The following SERBP1 variants were observed in gnomAD, a reference collection of about 807,000 sequenced individuals.
SERBP1 encodes SERPINE1 mRNA-binding protein 1.
Under a neutral mutation model 50.2 loss-of-function variants are expected in SERBP1, and 6 were observed. That is an observed-to-expected ratio of 0.12 (90% confidence interval 0.07 to 0.24). SERBP1 has a LOEUF of 0.24. Among genes scored for constraint, SERBP1 ranks in the 10% least tolerant of loss-of-function variants. The pLI is 1.00. For synonymous variants in SERBP1, 168 were observed against 182.8 expected (o/e 0.92, Z 0.65); for missense variants, 346 against 524.9 (o/e 0.66, Z 3.33).
intron 1 of SERBP1, among the ~76,000 whole-genome samples, chr1:67,426,967 C>T (rs1667406236): frequency 6.6e-6 from 1 of 152,088 alleles, no homozygotes; most frequent in African/African-American, 2.4e-5. Flanking sequence ...TACAGGCACA[C>T]AAAAAGGGCC....
intron 2 of SERBP1, 97 bp from the exon 3 acceptor site, chr1:67,425,320 T>G (rs1292202391): frequency 1.1e-5 from 13 of 1,163,770 alleles, no homozygotes; most frequent in Non-Finnish European, 1.4e-5. Flanking sequence ...GTTTACTGGC[T>G]CAAAAACCAA....
At chr1:67,418,696 T>C (rs542929587) in intron 6 of SERBP1, among the ~76,000 whole-genome samples, 1 of 151,884 alleles carries the variant, frequency 6.6e-6, no homozygotes, top group Non-Finnish European at 1.5e-5. Context: ...GAGGTGGAGG[T>C]TGCGGTAAGC....
In SERBP1 at chr1:67,430,001, C is replaced by A. The variant is rs774454009; in HGVS notation, c.300G>T (p.Ala100=). The part of the protein sequence containing the change: ...DKKEETQPPV[A]LKKEGIRRVG... ...CCCCTGCTTTACCTTCTTTCTTAAG[C>A]GCCACGGGCGGCTGCGTCTCCTCTT... The change falls in exon 1 of 8, where the codon GCG becomes GCT. Residue 100 remains alanine, a synonymous_variant. Coordinates refer to ENST00000361219, the MANE Select transcript of SERBP1 (RefSeq NM_001018069.2). 1 of 1,608,848 alleles carries A rather than the reference C, an allele frequency of 6.2e-7. No individual in the cohort carries two copies. The highest frequency in any genetic ancestry group is 1.3e-5 in the African/African-American group (1 of 74,730).
At chr1:67,415,113 G>T in intron 7 of SERBP1, 53 bp downstream of exon 7, 1 of 1,493,558 alleles carries the variant, frequency 6.7e-7, no homozygotes, top group South Asian at 1.4e-5. Context: ...CCCAGCCAGT[G>T]ACTTATAAGA....
rs1666785888 is a variant in SERBP1 at position 67,410,333 on chromosome 1, T to C, written c.*2874A>G. The C allele has an allele frequency of 6.6e-6, 1 of 152,142 alleles. No homozygotes were observed. Among genetic ancestry groups the C allele is most frequent in the African/African-American group, 2.4e-5 (1 of 41,436 alleles). The allele number at this position is 152,142 out of a possible 1,614,324, so 9.4% of individuals were successfully genotyped here. On this transcript the variant is annotated 3_prime_UTR_variant, in exon 8 of 8. Coordinates refer to ENST00000361219, the MANE Select transcript of SERBP1 (RefSeq NM_001018069.2). ...TCCCTGTTCTATTTCAGTGCAACCA[T>C]CTCTGGCAACTAGAAAAATAACAAA...
intron 6 of SERBP1, among the ~76,000 whole-genome samples, chr1:67,417,650 C>A (rs1667059838): frequency 6.6e-6 from 1 of 151,738 alleles, no homozygotes; most frequent in Non-Finnish European, 1.5e-5. Flanking sequence ...GTAACTGAGA[C>A]CACAGGTGCA....
chr1:67,429,445 A>C (rs1174155276), intron 1 of SERBP1: 1 of 152,436 alleles, frequency 6.6e-6, no homozygotes, highest in Non-Finnish European at 1.5e-5. Flanking sequence ...CCTGCAGCTT[A>C]CTCCACACGT....
At chr1:67,428,962 C>A (rs1189707170) in intron 1 of SERBP1, among the ~76,000 whole-genome samples, 1 of 152,142 alleles carries the variant, frequency 6.6e-6, no homozygotes, top group Non-Finnish European at 1.5e-5. Context: ...CATGCACGTT[C>A]TTATCTCCAA....
chr1:67,422,490 A>G (rs757533721), intron 5 of SERBP1, among the ~76,000 whole-genome samples: 1 of 151,982 alleles, frequency 6.6e-6, no homozygotes, highest in Non-Finnish European at 1.5e-5. Context: ...AGCACAGGCA[A>G]CAAGAGCAAA....
intron 3 of SERBP1, 33 bp from the exon 4 acceptor site, chr1:67,425,010 G>A (rs367710195): frequency 3.7e-6 from 6 of 1,603,354 alleles, no homozygotes; most frequent in Admixed American, 1.7e-5. Flanking sequence ...ATACTCTTTA[G>A]TTCTAGAAAT....
Position 67,415,205 on chromosome 1 carries a change from C to T in SERBP1, c.1086G>A (p.Gly362=), listed in dbSNP as rs753679857. The T allele has an allele frequency of 1.7e-5, 27 of 1,609,734 alleles. No individual in the cohort carries two copies. In the East Asian group the frequency reaches 5.4e-4, roughly 32 times the overall value. The change falls in exon 7 of 8, where the codon GGG becomes GGA. Residue 362 remains glycine, a synonymous_variant. Transcript: ENST00000361219. The part of the protein sequence containing the change: ...RGGRGGRGGR[G]RGGRPNRGSR... Reference sequence around the variant, plus strand: ...TGCCACGGTTTGGGCGCCCACCACGCCCACGTCCACCTCGTCCTCCCCTGC... The same window carrying T: ...TGCCACGGTTTGGGCGCCCACCACGTCCACGTCCACCTCGTCCTCCCCTGC...
intron 6 of SERBP1, among the ~76,000 whole-genome samples, chr1:67,416,444 GTCT>G (rs1667014776): frequency 6.6e-6 from 1 of 152,234 alleles, no homozygotes; most frequent in South Asian, 2.1e-4. Flanking sequence ...CATGCCTGAT[GTCT>G]TCTTGTACGC....
chr1:67,421,264 CAT>C (rs974757897), intron 5 of SERBP1, among the ~76,000 whole-genome samples: 10 of 152,132 alleles, frequency 6.6e-5, no homozygotes, highest in Non-Finnish European at 1.0e-4. Flanking sequence ...CCTGCTTACC[CAT>C]ATGTTATGAC....
chr1:67,422,589 G>C (rs1570296127), intron 5 of SERBP1, among the ~76,000 whole-genome samples: 1 of 151,680 alleles, frequency 6.6e-6, no homozygotes, highest in African/African-American at 2.4e-5. Context: ...TATGCTTCTG[G>C]TTAGGAATCA....
Position 67,408,817 on chromosome 1 carries a change from T to TAAAAAATAATA in SERBP1, c.*4379_*4389dup, listed in dbSNP as rs1459063399. On this transcript the variant is annotated 3_prime_UTR_variant, in exon 8 of 8. Transcript: ENST00000361219. ...TATTTTATGTTGCAGGCTACCTATC[T>TAAAAAATAATA]AAAAAATAATAAAACATGTTTTACT... 6.6e-6 allele frequency: 1 copy of TAAAAAATAATA among 152,136 alleles called. No individual in the cohort carries two copies. The highest frequency in any genetic ancestry group is 2.4e-5 in the African/African-American group (1 of 41,440). The allele number at this position is 152,136 out of a possible 1,614,324, so 9.4% of individuals were successfully genotyped here.
rs1666811571 is a variant in SERBP1 at position 67,410,807 on chromosome 1, A to G, written c.*2400T>C. 1 of 152,196 alleles carries G rather than the reference A, an allele frequency of 6.6e-6. No individual in the cohort carries two copies. The highest frequency in any genetic ancestry group is 1.5e-5 in the Non-Finnish European group (1 of 68,006). 9.4% of individuals were successfully genotyped at this position (152,196 alleles called of 1,614,324 possible). ...TCTGCTAAGAAGTGACAATCAGATT[A>G]AATCCAAGAAGTCCTTGGATTTTGT... On this transcript the variant is annotated 3_prime_UTR_variant, in exon 8 of 8. Transcript: ENST00000361219.
In SERBP1 at chr1:67,410,631, G is replaced by A. The variant is rs566475044; in HGVS notation, c.*2576C>T. ...GGTCTGGCATTACTTCCATTTAAAC[G>A]CATCAAGATAAAAGTTCACTGAAAC... On this transcript the variant is annotated 3_prime_UTR_variant, in exon 8 of 8. Transcript: ENST00000361219. 12 of 152,142 alleles carry A rather than the reference G, an allele frequency of 7.9e-5. No homozygotes were observed. In the East Asian group the frequency reaches 1.5e-3, roughly 20 times the overall value. 9.4% of individuals were successfully genotyped at this position (152,142 alleles called of 1,614,324 possible). A position where few individuals can be genotyped will look rare whatever the true frequency, so the allele number is the denominator to read the frequency against.
In SERBP1 at chr1:67,420,917, C is replaced by G. The variant is rs571232766; in HGVS notation, c.774-731G>C. Among the ~76,000 whole-genome samples the G allele has an allele frequency of 2.0e-5, 3 of 152,256 alleles. No individual in the cohort carries two copies. In the East Asian group the frequency reaches 5.8e-4, roughly 29 times the overall value. On this transcript the variant is annotated intron_variant, in intron 5 of 7. Coordinates refer to ENST00000361219, the MANE Select transcript of SERBP1 (RefSeq NM_001018069.2). ...AGAATATGATCCTTTCCTCTTTTTA[C>G]AGAAACAAAGCACAGGCCTAAGGAT...
intron 6 of SERBP1, chr1:67,417,299 GT>G (rs1375918982): frequency 6.6e-6 from 1 of 152,112 alleles, no homozygotes; most frequent in Non-Finnish European, 1.5e-5. Context: ...ACGCAAAACT[GT>G]AAATTGTTCT....
Sources: allele counts gnomAD v4.1 joint callset (sites outside exome capture counted in the v4.1 genomes callset), GRCh38; gene constraint gnomAD v4.1.1; transcripts MANE v1.5; gene names NCBI Gene and HGNC (gene_info 2026-07-23, HGNC 2026-07-21).